The following CCDC141 variants were observed in gnomAD, a reference collection of about 807,000 sequenced individuals.
CCDC141 encodes coiled-coil domain containing 141.
In CCDC141, 168 loss-of-function variants were observed where a neutral mutation model predicts 181.0. The ratio of observed to expected loss-of-function variants is 0.93; its 90% CI spans 0.82 to 1.05. The LOEUF (loss-of-function observed/expected upper bound fraction) is 1.05, where lower values mean the gene tolerates loss of function less well. Among genes scored for constraint, CCDC141 ranks in the 50% least tolerant of loss-of-function variants. The probability of loss-of-function intolerance (pLI) is 0.00; values close to 1 mark genes in which losing one functional copy is unlikely to be tolerated. For synonymous variants in CCDC141, 666 were observed against 642.3 expected (o/e 1.04, Z -0.56); for missense variants, 1,902 against 1,788.5 (o/e 1.06, Z -1.14).
chr2:178,982,644 C>T (rs58993005), intron 2 of CCDC141, among the ~76,000 whole-genome samples: 3 of 151,846 alleles, frequency 2.0e-5, no homozygotes, highest in African/African-American at 7.3e-5. Flanking sequence ...GAGGCACTGC[C>T]TCCCTCGGGA....
rs543583134 is a variant in CCDC141, at chr2:178,995,565, C to T, written c.226-16890G>A. Reference sequence around the variant, plus strand: ...TGGCACATTATGTCACCAAGGTTCTCTTATACTTAATAAAGAAATAAAATT... The same window carrying T: ...TGGCACATTATGTCACCAAGGTTCTTTTATACTTAATAAAGAAATAAAATT... On this transcript the variant is annotated intron_variant, in intron 2 of 23. Coordinates refer to ENST00000443758, the MANE Select transcript of CCDC141 (RefSeq NM_173648.4). 2.0e-5 allele frequency among the ~76,000 whole-genome samples: 3 copies of T among 152,206 alleles called. No individual in the cohort carries two copies. The East Asian group carries it at 5.8e-4, about 29-fold the overall frequency.
chr2:178,929,554 A>ACAGT (rs58182063), intron 6 of CCDC141, among the ~76,000 whole-genome samples: 106,682 of 151,538 alleles, frequency 0.7, 37,974 homozygotes, highest in East Asian at 0.93. Context: ...TTGAAGATAA[A>ACAGT]CAGAACATTT....
At chr2:178,952,425 C>T (rs1689987656) in intron 5 of CCDC141, among the ~76,000 whole-genome samples, 1 of 151,912 alleles carries the variant, frequency 6.6e-6, no homozygotes, top group African/African-American at 2.4e-5. Flanking sequence ...ATTATTATTC[C>T]CATTTTACAG....
intron 2 of CCDC141, among the ~76,000 whole-genome samples, chr2:179,021,715 G>T (rs140643249): frequency 2.3e-3 from 349 of 152,160 alleles, no homozygotes; most frequent in African/African-American, 8.3e-3. Flanking sequence ...CAGTCCATTT[G>T]GATTTAAAAA....
At chr2:178,871,312 T>A in intron 14 of CCDC141, 115 bp downstream of exon 14, 1 of 1,243,860 alleles carries the variant, frequency 8.0e-7, no homozygotes. Context: ...CAAGCAATAC[T>A]TTTGTTTAAA....
intron 4 of CCDC141, among the ~76,000 whole-genome samples, chr2:178,964,942 TA>T (rs1049467991): frequency 2.0e-5 from 3 of 152,202 alleles, no homozygotes; most frequent in Non-Finnish European, 2.9e-5. Context: ...TCAATCTATC[TA>T]AAAAATTATC....
the CCDC141 span, chr2:178,817,719 A>G: frequency 1.3e-5 from 4 of 296,846 alleles, no homozygotes; most frequent in South Asian, 7.0e-5. Flanking sequence ...TAAGATACAC[A>G]TGTGTAATAT....
At chr2:178,986,671 C>A (rs1691759840) in intron 2 of CCDC141, among the ~76,000 whole-genome samples, 1 of 151,486 alleles carries the variant, frequency 6.6e-6, no homozygotes, top group Admixed American at 6.6e-5. Context: ...TATACACCAA[C>A]AACAGACAAA....
intron 17 of CCDC141, among the ~76,000 whole-genome samples, chr2:178,861,151 T>C (rs899557329): frequency 6.6e-6 from 1 of 151,658 alleles, no homozygotes; most frequent in Non-Finnish European, 1.5e-5. Context: ...ACTCGAAGTT[T>C]CCTGAGGATG....
intron 7 of CCDC141, among the ~76,000 whole-genome samples, chr2:178,908,534 C>T (rs1380965134): frequency 6.6e-6 from 1 of 152,302 alleles, no homozygotes; most frequent in East Asian, 1.9e-4. Context: ...AAAAATCTGG[C>T]ATAGTCAAAA....
intron 22 of CCDC141, among the ~76,000 whole-genome samples, chr2:178,845,191 T>C (rs1031265493): frequency 2.6e-5 from 4 of 152,226 alleles, no homozygotes; most frequent in Non-Finnish European, 5.9e-5. Context: ...TATGATCTAA[T>C]TTCACGTATT....
intron 2 of CCDC141, among the ~76,000 whole-genome samples, chr2:178,998,222 T>C (rs903483130): frequency 2.6e-5 from 4 of 151,980 alleles, no homozygotes; most frequent in African/African-American, 7.2e-5. Context: ...GAAAGAGTGC[T>C]CCTTATCCTC....
intron 2 of CCDC141, among the ~76,000 whole-genome samples, chr2:179,000,052 CCATACACACACA>C (rs996263991): frequency 8.7e-5 from 8 of 92,450 alleles, no homozygotes; most frequent in African/African-American, 3.2e-4. Context: ...AGATTCATCA[CCATACACACACA>C]CACACACACA....
intron 21 of CCDC141, among the ~76,000 whole-genome samples, chr2:178,847,999 T>G (rs1490025806): frequency 8.5e-5 from 13 of 152,148 alleles, no homozygotes. Flanking sequence ...GAGAAACAAA[T>G]GTCTGTTTTT....
At chr2:179,034,878 G>A (rs1301144676) in intron 2 of CCDC141, among the ~76,000 whole-genome samples, 1 of 151,954 alleles carries the variant, frequency 6.6e-6, no homozygotes, top group African/African-American at 2.4e-5. Flanking sequence ...GATTTTATTT[G>A]TATTTCTTAT....
intron 7 of CCDC141, among the ~76,000 whole-genome samples, chr2:178,908,173 T>A (rs116756074): frequency 0.011 from 1,718 of 152,276 alleles, 36 homozygotes; most frequent in African/African-American, 0.039. Context: ...CGGAGTTTGT[T>A]GTTAACTGAG....
At chr2:178,910,149 A>G (rs1688159229) in intron 7 of CCDC141, among the ~76,000 whole-genome samples, 3 of 152,212 alleles carry the variant, frequency 2.0e-5, no homozygotes, top group Non-Finnish European at 4.4e-5. Context: ...CCTGCACCAA[A>G]TCAAATAGAG....
chr2:178,857,038 T>C (rs1463920926), intron 17 of CCDC141, among the ~76,000 whole-genome samples: 3 of 152,262 alleles, frequency 2.0e-5, no homozygotes, highest in Non-Finnish European at 4.4e-5. Flanking sequence ...CCTTTGTCCC[T>C]CAAGTAAGAA....
At chr2:179,037,659 C>A (rs142968710) in intron 2 of CCDC141, among the ~76,000 whole-genome samples, 5 of 152,224 alleles carry the variant, frequency 3.3e-5, no homozygotes, top group Admixed American at 2.0e-4. Flanking sequence ...AACAGAAAAT[C>A]CAAACAACGT....
Sources: allele counts gnomAD v4.1 joint callset (sites outside exome capture counted in the v4.1 genomes callset), GRCh38; gene constraint gnomAD v4.1.1; transcripts MANE v1.5; gene names NCBI Gene and HGNC (gene_info 2026-07-23, HGNC 2026-07-21).